HTR1F: variants seen among roughly 807,000 people sequenced by gnomAD.
HTR1F encodes 5-hydroxytryptamine (serotonin) receptor 1F, G protein-coupled.
A neutral mutation model predicts 24.0 loss-of-function variants in HTR1F; 17 were observed. The ratio of observed to expected loss-of-function variants is 0.71; its 90% CI spans 0.48 to 1.06. The LOEUF (loss-of-function observed/expected upper bound fraction) is 1.06. Ranked by LOEUF, HTR1F falls within the 50% of genes least tolerant of loss-of-function variation. HTR1F has a pLI of 0.00. For missense variants in HTR1F, 391 were observed against 427.8 expected (o/e 0.91, Z 0.76); for synonymous variants, 186 against 156.8 (o/e 1.19, Z -1.39).
rs184879389 is a variant in HTR1F, at chr3:87,918,672, C to G, written c.-42-72036C>G. Among the ~76,000 whole-genome samples the G allele has an allele frequency of 8.9e-4, 135 of 151,888 alleles. 2 individuals are homozygous for G. Among genetic ancestry groups the G allele is most frequent in the African/African-American group, 3.2e-3 (131 of 41,494 alleles). On this transcript the variant is annotated intron_variant, in intron 2 of 2. Coordinates refer to ENST00000319595, the MANE Select transcript of HTR1F (RefSeq NM_001322209.2). ...TTAGGAATGTACCTAACCAAGGAGT[C>G]TAAAAACCTCTAAAGGAAAACTACG...
chr3:87,873,768 T>C (rs1459610679), intron 2 of HTR1F, among the ~76,000 whole-genome samples: 1 of 152,104 alleles, frequency 6.6e-6, no homozygotes, highest in Admixed American at 6.6e-5. Flanking sequence ...CAAGCATGGC[T>C]CAACTTACAA....
chr3:87,901,209 C>T (rs752652231), intron 2 of HTR1F, among the ~76,000 whole-genome samples: 1 of 152,102 alleles, frequency 6.6e-6, no homozygotes, highest in Non-Finnish European at 1.5e-5. Flanking sequence ...GAAATTATGG[C>T]AAGAAACCTA....
At chr3:87,860,258 C>T (rs577278243) in intron 2 of HTR1F, among the ~76,000 whole-genome samples, 7 of 152,186 alleles carry the variant, frequency 4.6e-5, no homozygotes, top group South Asian at 2.1e-4. Flanking sequence ...TTTTCTAGAT[C>T]GGAAGCAATA....
At chr3:87,793,962 G>T (rs1445689633) in intron 1 of HTR1F, among the ~76,000 whole-genome samples, 1 of 104,184 alleles carries the variant, frequency 9.6e-6, no homozygotes, top group Non-Finnish European at 2.0e-5. Context: ...TAGTGGATAT[G>T]CTATGCCAAA....
At chr3:87,873,133 C>CAGAGAGAG (rs3079048) in intron 2 of HTR1F, among the ~76,000 whole-genome samples, 11 of 130,308 alleles carry the variant, frequency 8.4e-5, no homozygotes, top group East Asian at 6.5e-4. Context: ...CACACACACA[C>CAGAGAGAG]AGAGAGATTT....
intron 1 of HTR1F, chr3:87,793,293 A>C (rs995691865): frequency 6.6e-6 from 1 of 150,512 alleles, no homozygotes; most frequent in African/African-American, 2.5e-5. Context: ...CTTCGAATCC[A>C]TCTCTCGGTG....
intron 1 of HTR1F, among the ~76,000 whole-genome samples, chr3:87,804,461 A>G (rs979611348): frequency 9.9e-5 from 15 of 152,250 alleles, no homozygotes; most frequent in Middle Eastern, 3.4e-3. Flanking sequence ...AAAAAAATTG[A>G]GTATAACTGA....
intron 2 of HTR1F, among the ~76,000 whole-genome samples, chr3:87,844,176 C>T (rs932323694): frequency 1.5e-4 from 23 of 152,028 alleles, no homozygotes; most frequent in African/African-American, 5.3e-4. Context: ...TCTCCACATC[C>T]TCTCCATCAG....
chr3:87,922,496 T>G (rs1297462941), intron 2 of HTR1F, among the ~76,000 whole-genome samples: 3 of 152,138 alleles, frequency 2.0e-5, no homozygotes, highest in African/African-American at 7.2e-5. Context: ...TTACCTTTGC[T>G]GTGCAGATGT....
chr3:87,985,476 T>C (rs1705643235), intron 2 of HTR1F, among the ~76,000 whole-genome samples: 1 of 152,244 alleles, frequency 6.6e-6, no homozygotes, highest in East Asian at 1.9e-4. Flanking sequence ...TGTTGTGTTG[T>C]CATTGTAGAG....
chr3:87,868,477 C>A (rs919398860), intron 2 of HTR1F, among the ~76,000 whole-genome samples: 1 of 151,884 alleles, frequency 6.6e-6, no homozygotes, highest in South Asian at 2.1e-4. Flanking sequence ...ATATTAGTAG[C>A]AGGTTTTCTT....
At chr3:87,936,511 GA>G (rs1704421892) in intron 2 of HTR1F, among the ~76,000 whole-genome samples, 1 of 151,922 alleles carries the variant, frequency 6.6e-6, no homozygotes, top group Non-Finnish European at 1.5e-5. Flanking sequence ...TTTAATAAAT[GA>G]ATAAATAAAT....
chr3:87,988,077 G>T (rs1559660422), intron 2 of HTR1F, among the ~76,000 whole-genome samples: 1 of 151,814 alleles, frequency 6.6e-6, no homozygotes, highest in Non-Finnish European at 1.5e-5. Flanking sequence ...AACAGCATCA[G>T]TATCACCCGG....
intron 2 of HTR1F, among the ~76,000 whole-genome samples, chr3:87,851,352 C>A (rs1705082444): frequency 6.6e-6 from 1 of 151,430 alleles, no homozygotes; most frequent in East Asian, 1.9e-4. Context: ...GAAATGGAAG[C>A]AAGTCATGTG....
At chr3:87,914,333 C>CGAG (rs1703844815) in intron 2 of HTR1F, among the ~76,000 whole-genome samples, 1 of 152,100 alleles carries the variant, frequency 6.6e-6, no homozygotes, top group Non-Finnish European at 1.5e-5. Flanking sequence ...TTGAACTGAT[C>CGAG]GAGAAGCCTC....
At chr3:87,985,123 G>A (rs1469809591) in intron 2 of HTR1F, among the ~76,000 whole-genome samples, 1 of 152,094 alleles carries the variant, frequency 6.6e-6, no homozygotes, top group African/African-American at 2.4e-5. Flanking sequence ...ATCACCTCTG[G>A]TTGGGAGTTT....
intron 2 of HTR1F, among the ~76,000 whole-genome samples, chr3:87,933,688 C>G (rs548140337): frequency 2.0e-5 from 3 of 152,092 alleles, no homozygotes; most frequent in Non-Finnish European, 4.4e-5. Context: ...CAAACCACTG[C>G]TCAATGAAAT....
chr3:87,988,844 G>A (rs1179740729), intron 2 of HTR1F, among the ~76,000 whole-genome samples: 1 of 151,760 alleles, frequency 6.6e-6, no homozygotes, highest in Non-Finnish European at 1.5e-5. Flanking sequence ...CTCCCAAAGT[G>A]CTGGTATTAC....
chr3:87,803,604 T>C (rs1352529242), intron 1 of HTR1F, among the ~76,000 whole-genome samples: 5 of 152,150 alleles, frequency 3.3e-5, no homozygotes, highest in Admixed American at 2.6e-4. Flanking sequence ...AGCATCTAAT[T>C]TGACATAAGA....
Sources: allele counts gnomAD v4.1 joint callset (sites outside exome capture counted in the v4.1 genomes callset), GRCh38; gene constraint gnomAD v4.1.1; transcripts MANE v1.5; gene names NCBI Gene and HGNC (gene_info 2026-07-23, HGNC 2026-07-21).